Variants in ERLIN1 observed in about 807,000 individuals in gnomAD.
The protein encoded by ERLIN1 is ER lipid raft associated 1.
Under a neutral mutation model 46.9 loss-of-function variants are expected in ERLIN1, and 24 were observed. The observed-to-expected ratio is 0.51, with a 90% confidence interval of 0.37 to 0.72. The LOEUF is 0.72. ERLIN1 is among the 30% of genes least tolerant of loss of function. The pLI, the probability that ERLIN1 is intolerant of heterozygous loss-of-function variation, is 0.00. For synonymous variants in ERLIN1, 158 were observed against 143.2 expected (o/e 1.10, Z -0.74); for missense variants, 293 against 417.9 (o/e 0.70, Z 2.61).
chr10:100,160,448 A>G (rs1843306358), intron 8 of ERLIN1, among the ~76,000 whole-genome samples: 1 of 152,162 alleles, frequency 6.6e-6, no homozygotes, highest in Non-Finnish European at 1.5e-5. Flanking sequence ...AAAACCTAAC[A>G]CTAAAAGTAT....
At chr10:100,183,305 T>C (rs1349836471) in intron 2 of ERLIN1, among the ~76,000 whole-genome samples, 1 of 152,226 alleles carries the variant, frequency 6.6e-6, no homozygotes, top group Non-Finnish European at 1.5e-5. Context: ...AAAATTGTGC[T>C]TAATATACCA....
chr10:100,167,233 A>G, intron 7 of ERLIN1, 115 bp downstream of exon 7: 2 of 751,530 alleles, frequency 2.7e-6, no homozygotes, highest in South Asian at 1.6e-5. Flanking sequence ...AGTAAAGAAG[A>G]TAAGACACAT....
chr10:100,153,535 A>G (rs923875539), intron 10 of ERLIN1, among the ~76,000 whole-genome samples: 25 of 152,236 alleles, frequency 1.6e-4, no homozygotes, highest in African/African-American at 5.8e-4. Flanking sequence ...CTTGTCCTTC[A>G]CAGTCCTACA....
intron 2 of ERLIN1, among the ~76,000 whole-genome samples, chr10:100,180,717 G>A (rs1456520368): frequency 1.3e-5 from 2 of 152,182 alleles, no homozygotes. Context: ...CTGAATGCTG[G>A]CTGGGGAGTT....
Position 100,181,856 on chromosome 10 carries a change from C to G in ERLIN1, c.195+1900G>C, listed in dbSNP as rs1484435335. ...ATGGTTTTATTAATATAATTATTTC[C>G]TAGAATGTTACCGTTTTACACATAA... On this transcript the variant is annotated intron_variant, in intron 2 of 10. Transcript: ENST00000421367. Among the ~76,000 whole-genome samples the G allele has an allele frequency of 3.3e-5, 5 of 152,248 alleles. No homozygotes were observed. The East Asian group carries it at 7.7e-4, about 24-fold the overall frequency.
chr10:100,181,232 T>C (rs1477844582), intron 2 of ERLIN1, among the ~76,000 whole-genome samples: 2 of 152,216 alleles, frequency 1.3e-5, no homozygotes, highest in Non-Finnish European at 2.9e-5. Flanking sequence ...CCTATCTTTA[T>C]GTACTTTTAT....
intron 1 of ERLIN1, 49 bp from the exon 2 acceptor site, chr10:100,183,886 C>T: frequency 7.6e-7 from 1 of 1,323,294 alleles, no homozygotes; most frequent in Non-Finnish European, 1.1e-6. Context: ...GAAAAATTAT[C>T]TTTCCAAATC....
In ERLIN1 at chr10:100,167,400, G is replaced by A; in HGVS notation, c.511C>T (p.Arg171Cys). 6.2e-7 allele frequency: 1 copy of A among 1,611,932 alleles called. No individual in the cohort carries two copies. The highest frequency in any genetic ancestry group is 8.5e-7 in the Non-Finnish European group (1 of 1,178,824). The change falls in exon 7 of 11, where the codon CGT (arginine) becomes TGT (cysteine). Residue 171 changes from arginine to cysteine, a missense_variant. Physicochemically the swap from Arg to Cys is radical, Grantham distance 180. Transcript: ENST00000421367. ...MAPGLTIQAVRVTKPKIPEAI... is the reference protein window; with the variant it reads ...MAPGLTIQAVCVTKPKIPEAI... The stretch of plus-strand genomic sequence containing the variant: ...TCTGGGATTTTGGGTTTTGTAACAC[G>A]CACAGCCTAAAAAATAAAAGTGAAA...
At position 100,150,192 on chromosome 10, in the gene ERLIN1, G is replaced by T. The variant is rs78851216; in HGVS notation, c.*1939C>A. 154 of 152,186 alleles carry T rather than the reference G, an allele frequency of 1.0e-3. No individual in the cohort carries two copies. Among genetic ancestry groups the T allele is most frequent in the East Asian group, 9.5e-3 (49 of 5,174 alleles). 9.4% of individuals were successfully genotyped at this position (152,186 alleles called of 1,614,324 possible). On this transcript the variant is annotated 3_prime_UTR_variant, in exon 11 of 11. Coordinates refer to ENST00000421367, the MANE Select transcript of ERLIN1 (RefSeq NM_006459.4). ...GATTACAGTGTATATTTGCCAAAAG[G>T]AACACCCCGAAAGACGGCCAGCCTC...
At chr10:100,163,182 T>C (rs1418518093) in intron 8 of ERLIN1, among the ~76,000 whole-genome samples, 2 of 151,308 alleles carry the variant, frequency 1.3e-5, no homozygotes, top group Admixed American at 6.6e-5. Context: ...AAAATAAGAG[T>C]TTGGTAACAT....
At chr10:100,173,403 C>T (rs1038327420) in intron 6 of ERLIN1, among the ~76,000 whole-genome samples, 1 of 152,102 alleles carries the variant, frequency 6.6e-6, no homozygotes, top group Non-Finnish European at 1.5e-5. Context: ...AAACACCTAC[C>T]CCGCCACACT....
At chr10:100,167,542 G>T in intron 6 of ERLIN1, 136 bp from the exon 7 acceptor site, 1 of 654,402 alleles carries the variant, frequency 1.5e-6, no homozygotes, top group Non-Finnish European at 2.6e-6. Flanking sequence ...TAACACGTTT[G>T]GGGATCCCAC....
Position 100,163,905 on chromosome 10 carries a change from T to A in ERLIN1, c.655+99A>T, listed in dbSNP as rs1843493098. ...TTCCAGAATTCCCCACTACCTATGA[T>A]GCAATCTTACTGAGTCCCATGATAC... On this transcript the variant is annotated intron_variant, in intron 8 of 10. Transcript: ENST00000421367. The A allele has an allele frequency of 2.5e-5, 18 of 725,766 alleles. No individual in the cohort carries two copies. The South Asian group carries it at 3.1e-4, about 13-fold the overall frequency. 45.0% of individuals were successfully genotyped at this position (725,766 alleles called of 1,614,324 possible). A position where few individuals can be genotyped will look rare whatever the true frequency, so the allele number is the denominator to read the frequency against.
intron 9 of ERLIN1, among the ~76,000 whole-genome samples, chr10:100,155,340 A>G (rs1843016566): frequency 6.6e-6 from 1 of 151,876 alleles, no homozygotes; most frequent in African/African-American, 2.4e-5. Context: ...ACAGACAGGA[A>G]GCAGCAATAT....
At chr10:100,180,572 A>G (rs1393827721) in intron 2 of ERLIN1, among the ~76,000 whole-genome samples, 2 of 152,226 alleles carry the variant, frequency 1.3e-5, no homozygotes, top group Non-Finnish European at 2.9e-5. Flanking sequence ...TAAATATCCT[A>G]CTGAAATACA....
rs1233572943 is a variant in ERLIN1 at position 100,164,110 on chromosome 10, G to A, written c.564-15C>T. 1 of 1,568,518 alleles carries A rather than the reference G, an allele frequency of 6.4e-7. No individual in the cohort carries two copies. On this transcript the variant is annotated splice_polypyrimidine_tract_variant and intron_variant, in intron 7 of 10. Coordinates refer to ENST00000421367, the MANE Select transcript of ERLIN1 (RefSeq NM_006459.4). ...TCTCAGCCTCCCTGTGAAGCAAAATGTTATAAAAATTAGAAATGATTCTCC... is the reference window on the plus strand; with the variant it reads ...TCTCAGCCTCCCTGTGAAGCAAAATATTATAAAAATTAGAAATGATTCTCC...
chr10:100,167,461 T>A, intron 6 of ERLIN1, 55 bp from the exon 7 acceptor site: 1 of 1,413,190 alleles, frequency 7.1e-7, no homozygotes, highest in Non-Finnish European at 9.9e-7. Context: ...ATCTTCAAAT[T>A]AAATCTTCTA....
Position 100,150,702 on chromosome 10 carries a change from G to T in ERLIN1, c.*1429C>A, listed in dbSNP as rs945923706. The T allele has an allele frequency of 6.6e-6, 1 of 152,574 alleles. No individual in the cohort carries two copies. The highest frequency in any genetic ancestry group is 1.9e-4 in the East Asian group (1 of 5,194). The allele number at this position is 152,574 out of a possible 1,614,324, so 9.5% of individuals were successfully genotyped here. On this transcript the variant is annotated 3_prime_UTR_variant, in exon 11 of 11. Transcript: ENST00000421367. ...AGGCCTGACAGCTGAAAGATTTCTAGAAGTGGTCCCATGACTTTTTTGTTG... is the reference window on the plus strand; with the variant it reads ...AGGCCTGACAGCTGAAAGATTTCTATAAGTGGTCCCATGACTTTTTTGTTG...
At chr10:100,174,346 T>C in intron 5 of ERLIN1, 65 bp from the exon 6 acceptor site, 1 of 1,184,828 alleles carries the variant, frequency 8.4e-7, no homozygotes, top group Non-Finnish European at 1.2e-6. Context: ...GTATTCATAA[T>C]GAAACAAAAC....
Sources: allele counts gnomAD v4.1 joint callset (sites outside exome capture counted in the v4.1 genomes callset), GRCh38; gene constraint gnomAD v4.1.1; transcripts MANE v1.5; gene names NCBI Gene and HGNC (gene_info 2026-07-23, HGNC 2026-07-21).